ZDHHC20: variants seen among roughly 807,000 people sequenced by gnomAD.
ZDHHC20 encodes palmitoyltransferase ZDHHC20.
A neutral mutation model predicts 57.8 loss-of-function variants in ZDHHC20; 43 were observed. The ratio of observed to expected loss-of-function variants is 0.74; its 90% CI spans 0.58 to 0.96. The LOEUF (loss-of-function observed/expected upper bound fraction) is 0.96, where lower values mean the gene tolerates loss of function less well. ZDHHC20 is among the 40% of genes least tolerant of loss of function. ZDHHC20 has a pLI of 0.00. For missense variants in ZDHHC20, 391 were observed against 441.1 expected, an observed-to-expected ratio of 0.89 and a Z score of 1.02; for synonymous variants, 157 against 153.0, an observed-to-expected ratio of 1.03 and a Z score of -0.19.
At chr13:21,419,305 T>G (rs1293852267) in intron 3 of ZDHHC20, among the ~76,000 whole-genome samples, 1 of 152,242 alleles carries the variant, frequency 6.6e-6, no homozygotes, top group African/African-American at 2.4e-5. Context: ...GGCAAAAGAC[T>G]ATACAGCATT....
chr13:21,399,548 T>TA (rs1224780805), intron 7 of ZDHHC20, among the ~76,000 whole-genome samples: 2 of 151,832 alleles, frequency 1.3e-5, no homozygotes, highest in African/African-American at 2.4e-5. Context: ...ACTTCCATAC[T>TA]AAAAAAAATT....
In ZDHHC20 at chr13:21,413,661, C is replaced by G; in HGVS notation, c.361G>C (p.Ala121Pro). 6.3e-7 allele frequency: 1 copy of G among 1,586,944 alleles called. No individual in the cohort carries two copies. The highest frequency in any genetic ancestry group is 8.5e-7 in the Non-Finnish European group (1 of 1,171,266). The change falls in exon 4 of 13, where the codon GCT (alanine) becomes CCT (proline). Residue 121 changes from alanine to proline, a missense_variant. Physicochemically the swap from Ala to Pro is conservative, Grantham distance 27. Transcript: ENST00000400590. ...ARALPIYTTSASKTIRYCEKC... is the reference protein window; with the variant it reads ...ARALPIYTTSPSKTIRYCEKC... ...TTATTCTTTTTCTTACTTTTTGAAG[C>G]TGATGTGGTATAGATAGGTAAAGCT...
At chr13:21,412,584 G>A (rs1879359789) in intron 4 of ZDHHC20, among the ~76,000 whole-genome samples, 1 of 152,116 alleles carries the variant, frequency 6.6e-6, no homozygotes, top group African/African-American at 2.4e-5. Context: ...TCCTGGTAGG[G>A]AGAATGAAAG....
intron 4 of ZDHHC20, among the ~76,000 whole-genome samples, chr13:21,410,700 A>C (rs1415404391): frequency 6.6e-6 from 1 of 152,182 alleles, no homozygotes; most frequent in Non-Finnish European, 1.5e-5. Context: ...TAATGGCAGA[A>C]GCCCCTCCCC....
chr13:21,380,055 T>A (rs1177036437), intron 11 of ZDHHC20, among the ~76,000 whole-genome samples: 1 of 151,980 alleles, frequency 6.6e-6, no homozygotes, highest in East Asian at 1.9e-4. Flanking sequence ...GACCTCGTGA[T>A]CCGCCTGCCT....
rs150240006 is a variant in ZDHHC20, at chr13:21,402,329, C to T, written c.440+468G>A. ...GTATTTTTGTAATAAAAAAAACCCACCAAACTCCAAATTTGCCTCCCTACT... is the reference window on the plus strand; with the variant it reads ...GTATTTTTGTAATAAAAAAAACCCATCAAACTCCAAATTTGCCTCCCTACT... On this transcript the variant is annotated intron_variant, in intron 5 of 12. Coordinates refer to ENST00000400590, the MANE Select transcript of ZDHHC20 (RefSeq NM_001330059.2). Among the ~76,000 whole-genome samples, 468 of 152,042 alleles carry T rather than the reference C, an allele frequency of 3.1e-3. 2 individuals carry two copies. Among genetic ancestry groups the T allele is most frequent in the African/African-American group, 0.01 (434 of 41,452 alleles).
chr13:21,383,996 T>C (rs1409343434), intron 9 of ZDHHC20, among the ~76,000 whole-genome samples: 1 of 151,952 alleles, frequency 6.6e-6, no homozygotes, highest in African/African-American at 2.4e-5. Flanking sequence ...GTTTTCAAAA[T>C]AGGCAGTAGA....
chr13:21,425,571 C>A, intron 2 of ZDHHC20, 81 bp downstream of exon 2: 1 of 992,418 alleles, frequency 1.0e-6, no homozygotes, highest in Non-Finnish European at 1.4e-6. Context: ...AAAACACATG[C>A]ATTCATCACT....
In ZDHHC20 at chr13:21,459,117, C is replaced by G; in HGVS notation, c.55G>C (p.Val19Leu). The change falls in exon 1 of 13, where the codon GTG (valine) becomes CTG (leucine). Residue 19 changes from valine (V) to leucine (L), a missense_variant. Physicochemically the swap from Val to Leu is conservative, Grantham distance 32 (BLOSUM62 1). Coordinates refer to ENST00000400590, the MANE Select transcript of ZDHHC20 (RefSeq NM_001330059.2). ...CCQRVVGWVP[V>L]LFITFVVVWS... ...ACGACCACGAAGGTGATGAAGAGCA[C>G]CGGCACCCAGCCCACGACGCGCTGG... 1 of 1,607,786 alleles carries G rather than the reference C, an allele frequency of 6.2e-7. No individual in the cohort carries two copies. The highest frequency in any genetic ancestry group is 8.5e-7 in the Non-Finnish European group (1 of 1,177,642).
intron 4 of ZDHHC20, among the ~76,000 whole-genome samples, chr13:21,408,666 G>A (rs533951384): frequency 6.6e-6 from 1 of 152,188 alleles, no homozygotes; most frequent in Non-Finnish European, 1.5e-5. Context: ...GGAGTGGTGA[G>A]AGAGGACATT....
chr13:21,389,361 C>T (rs1432099928), intron 8 of ZDHHC20, among the ~76,000 whole-genome samples: 3 of 152,116 alleles, frequency 2.0e-5, no homozygotes, highest in African/African-American at 4.8e-5. Flanking sequence ...GGTTAAAACA[C>T]CTTAACAGAC....
intron 3 of ZDHHC20, among the ~76,000 whole-genome samples, chr13:21,416,062 G>A (rs1486811174): frequency 2.0e-5 from 3 of 151,986 alleles, no homozygotes; most frequent in African/African-American, 7.2e-5. Context: ...AAAATTAGCT[G>A]GGTGTGGTGG....
rs56681468 is a variant in ZDHHC20 at position 21,379,825 on chromosome 13, C to CTTTTTTTTTTTTTTTT, written c.1061-1088_1061-1087insAAAAAAAAAAAAAAAA. ...CAGTGTGCTCTTTTTTTTCTTTTTTCTTTTTTTTTGAGATGGAATCTCGCT... is the reference window on the plus strand; with the variant it reads ...CAGTGTGCTCTTTTTTTTCTTTTTTCTTTTTTTTTTTTTTTTTTTTTTTTTGAGATGGAATCTCGCT... On this transcript the variant is annotated intron_variant, in intron 11 of 12. Coordinates refer to ENST00000400590, the MANE Select transcript of ZDHHC20 (RefSeq NM_001330059.2). Among the ~76,000 whole-genome samples the CTTTTTTTTTTTTTTTT allele has an allele frequency of 4.4e-5, 6 of 137,758 alleles. 1 individual carries two copies. The highest frequency in any genetic ancestry group is 8.3e-5 in the African/African-American group (3 of 36,166). 90.4% of individuals were successfully genotyped at this position (137,758 alleles called of 152,430 possible). A position where few individuals can be genotyped will look rare whatever the true frequency, so the allele number is the denominator to read the frequency against.
At chr13:21,431,863 T>C (rs1881996774) in intron 1 of ZDHHC20, among the ~76,000 whole-genome samples, 1 of 152,242 alleles carries the variant, frequency 6.6e-6, no homozygotes, top group African/African-American at 2.4e-5. Context: ...AATCTTGATA[T>C]GTGTGTGCCA....
At chr13:21,449,258 C>T (rs558186738) in intron 1 of ZDHHC20, among the ~76,000 whole-genome samples, 1 of 151,866 alleles carries the variant, frequency 6.6e-6, no homozygotes, top group Non-Finnish European at 1.5e-5. Context: ...AATAAACAAC[C>T]ACTGTTCATT....
At chr13:21,383,860 C>A (rs908145166) in intron 9 of ZDHHC20, among the ~76,000 whole-genome samples, 5 of 152,016 alleles carry the variant, frequency 3.3e-5, no homozygotes, top group African/African-American at 1.2e-4. Context: ...AAAGAGCATA[C>A]TTATGCCTTA....
intron 7 of ZDHHC20, 98 bp from the exon 8 acceptor site, chr13:21,391,952 C>T: frequency 1.5e-6 from 2 of 1,332,718 alleles, no homozygotes; most frequent in East Asian, 5.2e-5. Flanking sequence ...AAATACTTGC[C>T]ATATTTGAAA....
intron 1 of ZDHHC20, among the ~76,000 whole-genome samples, chr13:21,451,893 C>G (rs1262779365): frequency 6.6e-6 from 1 of 151,806 alleles, no homozygotes; most frequent in African/African-American, 2.4e-5. Context: ...ACTTGAGAGG[C>G]TGAGGCAGGA....
In ZDHHC20 at chr13:21,376,637, C is replaced by A; in HGVS notation, c.*59G>T. On this transcript the variant is annotated 3_prime_UTR_variant, in exon 13 of 13. Coordinates refer to ENST00000400590, the MANE Select transcript of ZDHHC20 (RefSeq NM_001330059.2). Reference sequence around the variant, plus strand: ...GCAAATGAAAATTGAAAATACCAGTCTATAATGTTTTCATACACCTACAAA... The same window carrying A: ...GCAAATGAAAATTGAAAATACCAGTATATAATGTTTTCATACACCTACAAA... The A allele has an allele frequency of 1.4e-6, 2 of 1,403,070 alleles. No homozygotes were observed. The highest frequency in any genetic ancestry group is 1.4e-5 in the South Asian group (1 of 72,952). 86.9% of individuals were successfully genotyped at this position (1,403,070 alleles called of 1,614,324 possible).
Sources: allele counts gnomAD v4.1 joint callset (sites outside exome capture counted in the v4.1 genomes callset), GRCh38; gene constraint gnomAD v4.1.1; transcripts MANE v1.5; gene names NCBI Gene and HGNC (gene_info 2026-07-23, HGNC 2026-07-21).